Variants in GPAM observed in about 807,000 individuals in gnomAD.
GPAM encodes the protein glycerol-3-phosphate acyltransferase, mitochondrial.
Under a neutral mutation model 105.0 loss-of-function variants are expected in GPAM, and 56 were observed. The observed-to-expected ratio is 0.53, with a 90% CI of 0.43 to 0.67. The LOEUF is 0.67. Ranked by LOEUF, GPAM falls within the 30% of genes least tolerant of loss-of-function variation. The probability of loss-of-function intolerance (pLI) is 0.00; values close to 1 mark genes in which losing one functional copy is unlikely to be tolerated. For synonymous variants in GPAM, 368 were observed against 354.4 expected, an observed-to-expected ratio of 1.04 and a Z score of -0.43; for missense variants, 855 against 989.8, an observed-to-expected ratio of 0.86 and a Z score of 1.83.
intron 1 of GPAM, among the ~76,000 whole-genome samples, chr10:112,209,710 T>C (rs1589612241): frequency 6.6e-6 from 1 of 152,248 alleles, no homozygotes; most frequent in East Asian, 1.9e-4. Context: ...CTTTTTGGAA[T>C]TGACTCAAAA....
rs763768963 is a variant in GPAM, at chr10:112,172,138, A to G, written c.794+44T>C. On this transcript the variant is annotated intron_variant, in intron 9 of 21. Coordinates refer to ENST00000348367, the MANE Select transcript of GPAM (RefSeq NM_001244949.2). ...AATTTAAAAAATTAAAATTCAAAAC[A>G]TAATCTTTTTAATTCCTTAAATTCC... 4 of 1,428,534 alleles carry G rather than the reference A, an allele frequency of 2.8e-6. No individual in the cohort carries two copies. The African/African-American group carries it at 5.6e-5, about 20-fold the overall frequency. The allele number at this position is 1,428,534 out of a possible 1,614,324, so 88.5% of individuals were successfully genotyped here. A position where few individuals can be genotyped will look rare whatever the true frequency, so the allele number is the denominator to read the frequency against.
At chr10:112,207,424 T>G (rs950639512) in intron 1 of GPAM, among the ~76,000 whole-genome samples, 3 of 152,210 alleles carry the variant, frequency 2.0e-5, no homozygotes, top group African/African-American at 4.8e-5. Flanking sequence ...ACAATGTTCT[T>G]GCCCCTGCAT....
chr10:112,168,971 T>A lies in GPAM; in HGVS notation c.795-19A>T, dbSNP rs770939697. 4 of 1,411,446 alleles carry A rather than the reference T, an allele frequency of 2.8e-6. No homozygotes were observed. Among genetic ancestry groups the A allele is most frequent in the Non-Finnish European group, 3.0e-6 (3 of 995,248 alleles). 87.4% of individuals were successfully genotyped at this position (1,411,446 alleles called of 1,614,324 possible). On this transcript the variant is annotated intron_variant, in intron 9 of 21. Transcript: ENST00000348367. Reference sequence around the variant, plus strand: ...CAAGGTACTATAAATTCAGAATACATGAATTATTTACAAAGAAAAATGTAA... The same window carrying A: ...CAAGGTACTATAAATTCAGAATACAAGAATTATTTACAAAGAAAAATGTAA...
chr10:112,170,001 G>A (rs574725997), intron 9 of GPAM, among the ~76,000 whole-genome samples: 4 of 152,262 alleles, frequency 2.6e-5, no homozygotes, highest in Admixed American at 6.5e-5. Context: ...AGTTGGGACC[G>A]TCTAGTGATT....
At chr10:112,191,843 C>T (rs934811825) in intron 1 of GPAM, among the ~76,000 whole-genome samples, 1 of 152,160 alleles carries the variant, frequency 6.6e-6, no homozygotes, top group Non-Finnish European at 1.5e-5. Context: ...GATGGTGGCT[C>T]AGCTCTGAGA....
Position 112,175,516 on chromosome 10 carries a change from A to C in GPAM, c.413+84T>G, listed in dbSNP as rs181605563. ...TTGAGACACAGTCCCAGAGAAACTA[A>C]AGGTTACTAAGAATTACTTCCCCCT... On this transcript the variant is annotated intron_variant, in intron 6 of 21. Coordinates refer to ENST00000348367, the MANE Select transcript of GPAM (RefSeq NM_001244949.2). 885 of 785,602 alleles carry C rather than the reference A, an allele frequency of 1.1e-3. 5 individuals are homozygous for C. The African/African-American group carries it at 0.014, about 12-fold the overall frequency. The allele number at this position is 785,602 out of a possible 1,614,324, so 48.7% of individuals were successfully genotyped here.
intron 1 of GPAM, among the ~76,000 whole-genome samples, chr10:112,200,242 T>TAGAGAGAGAG (rs549343147): frequency 5.4e-4 from 69 of 126,974 alleles, no homozygotes; most frequent in African/African-American, 2.1e-3. Flanking sequence ...TATATATATA[T>TAGAGAGAGAG]ATAGAGAGAG....
At chr10:112,162,566 T>A (rs1267007501) in intron 14 of GPAM, among the ~76,000 whole-genome samples, 1 of 152,192 alleles carries the variant, frequency 6.6e-6, no homozygotes, top group Non-Finnish European at 1.5e-5. Flanking sequence ...GTGAGTTTTC[T>A]AAGATAACAA....
chr10:112,176,481 C>T (rs1847407087), intron 5 of GPAM, among the ~76,000 whole-genome samples: 1 of 152,138 alleles, frequency 6.6e-6, no homozygotes, highest in African/African-American at 2.4e-5. Context: ...AATTCAGTAA[C>T]TCTGAAAAGA....
Position 112,152,820 on chromosome 10 carries a change from T to C in GPAM, c.*730A>G, listed in dbSNP as rs571149826. 1.4e-3 allele frequency: 597 copies of C among 422,006 alleles called. 2 individuals are homozygous for C. The highest frequency in any genetic ancestry group is 0.012 in the African/African-American group (548 of 46,556). 26.1% of individuals were successfully genotyped at this position (422,006 alleles called of 1,614,324 possible). A position where few individuals can be genotyped will look rare whatever the true frequency, so the allele number is the denominator to read the frequency against. ...GAGCAAAAGCCTTCAACACCAGTTT[T>C]CTGGCCAAGTTTCCCTAGAATTTTG... On this transcript the variant is annotated 3_prime_UTR_variant, in exon 22 of 22. Transcript: ENST00000348367.
At chr10:112,178,117 C>T (rs1263666391) in intron 4 of GPAM, 60 bp from the exon 5 acceptor site, 2 of 850,280 alleles carry the variant, frequency 2.4e-6, no homozygotes, top group Non-Finnish European at 4.1e-6. Flanking sequence ...GTGAAGAGCT[C>T]TCATTATGAG....
chr10:112,168,189 T>C (rs1450436782), intron 11 of GPAM, 123 bp downstream of exon 11: 5 of 705,862 alleles, frequency 7.1e-6, no homozygotes, highest in African/African-American at 3.5e-5. Flanking sequence ...TCACATTTCA[T>C]ACAGTGCTTT....
intron 1 of GPAM, among the ~76,000 whole-genome samples, chr10:112,194,791 C>T (rs143390690): frequency 1.1e-4 from 16 of 152,252 alleles, no homozygotes; most frequent in Non-Finnish European, 1.8e-4. Flanking sequence ...TTTCTACCCC[C>T]CTAGATGTTT....
chr10:112,173,876 A>AC, intron 6 of GPAM, 31 bp from the exon 7 acceptor site: 3 of 1,550,590 alleles, frequency 1.9e-6, no homozygotes, highest in Non-Finnish European at 2.7e-6. Flanking sequence ...GAGACAATGT[A>AC]ATTGTTTCTA....
rs775660718 is a variant in GPAM, at chr10:112,175,731, CAGA to C, written c.300-21_300-19del. 5 of 1,501,486 alleles carry C rather than the reference CAGA, an allele frequency of 3.3e-6. No individual in the cohort carries two copies. Among genetic ancestry groups the C allele is most frequent in the Non-Finnish European group, 3.7e-6 (4 of 1,077,454 alleles). The allele number at this position is 1,501,486 out of a possible 1,614,324, so 93.0% of individuals were successfully genotyped here. ...CGCGGTGTCTGTGAAAATGATTTAGCAGAGAAGTATTAGAGGTACCCCTAAAAC... is the reference window on the plus strand; with the variant it reads ...CGCGGTGTCTGTGAAAATGATTTAGCGAAGTATTAGAGGTACCCCTAAAAC... On this transcript the variant is annotated intron_variant, in intron 5 of 21. Coordinates refer to ENST00000348367, the MANE Select transcript of GPAM (RefSeq NM_001244949.2).
In GPAM at chr10:112,168,886, C is replaced by T; in HGVS notation, c.861G>A (p.Arg287=). The T allele has an allele frequency of 1.2e-6, 2 of 1,610,680 alleles. No individual in the cohort carries two copies. ...GCAAAGCTCTATAGAGAACATCTTT[C>T]CGTCCATCTGGTGTTTCATCGAGCC... is the stretch of plus-strand genomic sequence containing the variant. ...RRRLDETPDG[R]KDVLYRALLH... The change falls in exon 10 of 22, where the codon CGG becomes CGA. Residue 287 remains arginine, a synonymous_variant. Transcript: ENST00000348367.
At chr10:112,215,475 A>G (rs1159875278), upstream of GPAM, 1 of 152,260 alleles carries the variant, frequency 6.6e-6, no homozygotes, top group Non-Finnish European at 1.5e-5. Context: ...TGGCCAGCCA[A>G]TCACAGGCTT....
At chr10:112,154,842 G>A in intron 20 of GPAM, 155 bp from the exon 21 acceptor site, 1 of 691,260 alleles carries the variant, frequency 1.4e-6, no homozygotes, top group Non-Finnish European at 2.6e-6. Context: ...GGCAACCTGT[G>A]AGTTCTCAGA....
chr10:112,154,325 G>T, intron 21 of GPAM: 1 of 409,104 alleles, frequency 2.4e-6, no homozygotes, highest in Non-Finnish European at 4.4e-6. Context: ...CAACATTTTG[G>T]ATAAGGGATA....
Sources: gnomAD v4.1 joint callset for allele counts (sites outside exome capture counted in the v4.1 genomes callset) on GRCh38, gnomAD v4.1.1 for gene constraint, MANE v1.5 for transcripts, NCBI Gene and HGNC (gene_info 2026-07-23, HGNC 2026-07-21) for gene names.